Variants in RPS6KA5 observed in about 807,000 individuals in gnomAD.
RPS6KA5 encodes the protein ribosomal protein S6 kinase alpha-5.
A neutral mutation model predicts 85.5 loss-of-function variants in RPS6KA5; 27 were observed. The ratio of observed to expected loss-of-function variants is 0.32; its 90% CI spans 0.23 to 0.44. RPS6KA5 has a LOEUF of 0.44. Ranked by LOEUF, RPS6KA5 falls within the 20% of genes least tolerant of loss-of-function variation. The pLI is 1.00. For missense variants in RPS6KA5, 811 were observed against 980.9 expected, an observed-to-expected ratio of 0.83 and a Z score of 2.31; for synonymous variants, 334 against 348.2, an observed-to-expected ratio of 0.96 and a Z score of 0.46.
At chr14:90,944,593 T>TA (rs1373008798) in intron 4 of RPS6KA5, among the ~76,000 whole-genome samples, 5 of 151,930 alleles carry the variant, frequency 3.3e-5, no homozygotes, top group Non-Finnish European at 5.9e-5. Context: ...CCGACTCTAC[T>TA]AAAAATACAA....
chr14:90,883,050 G>A (rs1270856561), intron 14 of RPS6KA5, among the ~76,000 whole-genome samples: 2 of 151,980 alleles, frequency 1.3e-5, no homozygotes, highest in Non-Finnish European at 2.9e-5. Flanking sequence ...AGCCCACCTC[G>A]GCCTCCCAAA....
intron 3 of RPS6KA5, 54 bp from the exon 4 acceptor site, chr14:90,947,604 AG>A: frequency 9.5e-7 from 1 of 1,056,734 alleles, no homozygotes; most frequent in Non-Finnish European, 1.5e-6. Flanking sequence ...AATGAAAAGC[AG>A]TGTTTCCTTT....
intron 3 of RPS6KA5, among the ~76,000 whole-genome samples, chr14:90,967,809 C>A (rs1681478851): frequency 6.6e-6 from 1 of 152,178 alleles, no homozygotes; most frequent in African/African-American, 2.4e-5. Flanking sequence ...AGAAATCACA[C>A]AAATAATGTG....
chr14:90,908,608 G>A (rs915839626), intron 7 of RPS6KA5, among the ~76,000 whole-genome samples: 1 of 152,206 alleles, frequency 6.6e-6, no homozygotes, highest in Non-Finnish European at 1.5e-5. Context: ...GTGACAGGAA[G>A]AGAACCAGAC....
At chr14:91,044,373 GAA>G (rs1749323984) in intron 1 of RPS6KA5, among the ~76,000 whole-genome samples, 1 of 13,272 alleles carries the variant, frequency 7.5e-5, no homozygotes, top group African/African-American at 2.5e-4. Context: ...GAGAAAGAAA[GAA>G]GGAAAGAAAG....
chr14:90,917,987 G>C (rs2036210982), intron 7 of RPS6KA5, among the ~76,000 whole-genome samples: 1 of 152,116 alleles, frequency 6.6e-6, no homozygotes, highest in African/African-American at 2.4e-5. Context: ...AATGAAAGTT[G>C]TCATTAACAT....
Position 90,873,772 on chromosome 14 carries a change from T to C in RPS6KA5, c.2020A>G (p.Lys674Glu), listed in dbSNP as rs745406792. The change falls in exon 16 of 17, where the codon AAA becomes GAA. Residue 674 changes from lysine to glutamate, a missense_variant. Around this residue, in one of 3 missense-constraint regions of RPS6KA5, gnomAD observed 650 missense variants for 793.4 expected, o/e 0.82. Coordinates refer to ENST00000614987, the MANE Select transcript of RPS6KA5 (RefSeq NM_004755.4). ...IQGLLTVDPN[K>E]RLKMSGLRYN... ...CTCAAGCCAGACATTTTAAGCCTTT[T>C]GTTTGGATCTACTGTGAGAAGTCCT... 1 of 1,614,082 alleles carries C rather than the reference T, an allele frequency of 6.2e-7. No homozygotes were observed. Among genetic ancestry groups the C allele is most frequent in the Admixed American group, 1.7e-5 (1 of 60,018 alleles).
At chr14:90,894,125 C>A in intron 13 of RPS6KA5, 2 of 1,040,238 alleles carry the variant, frequency 1.9e-6, no homozygotes, top group Non-Finnish European at 2.3e-6. Context: ...ATTTCCATTG[C>A]TATTTTTAGT....
chr14:91,044,048 G>A (rs937289218), intron 1 of RPS6KA5, among the ~76,000 whole-genome samples: 2 of 152,010 alleles, frequency 1.3e-5, no homozygotes, highest in African/African-American at 4.8e-5. Context: ...CCAATATGGT[G>A]AAACCCTATC....
chr14:90,902,765 A>G, intron 9 of RPS6KA5, 43 bp downstream of exon 9: 1 of 1,539,592 alleles, frequency 6.5e-7, no homozygotes. Flanking sequence ...TTTCTTTCAA[A>G]GGACATATGG....
chr14:90,969,043 C>T (rs944718457), intron 3 of RPS6KA5, among the ~76,000 whole-genome samples: 1 of 151,946 alleles, frequency 6.6e-6, no homozygotes, highest in East Asian at 1.9e-4. Context: ...TTCTTGGATT[C>T]AGAATAGCAA....
chr14:90,943,253 G>C, intron 4 of RPS6KA5, 68 bp from the exon 5 acceptor site: 1 of 840,216 alleles, frequency 1.2e-6, no homozygotes, highest in South Asian at 1.7e-5. Context: ...AGTCTTTCTC[G>C]TCTACCTTTA....
chr14:90,974,037 C>CAAAAAAAAAAAAAAAAA (rs56212923), intron 3 of RPS6KA5, among the ~76,000 whole-genome samples: 3 of 61,458 alleles, frequency 4.9e-5, no homozygotes, highest in African/African-American at 1.8e-4. Flanking sequence ...GACTCCATCT[C>CAAAAAAAAAAAAAAAAA]AAAAAAAAAA....
chr14:90,881,935 C>G (rs1003091575), intron 14 of RPS6KA5, among the ~76,000 whole-genome samples: 3 of 152,110 alleles, frequency 2.0e-5, no homozygotes, highest in Admixed American at 6.5e-5. Flanking sequence ...ATCCATTATG[C>G]CAATCTTTGA....
At chr14:90,890,406 A>G (rs111709077) in intron 14 of RPS6KA5, 81 bp downstream of exon 14, 10 of 1,241,514 alleles carry the variant, frequency 8.1e-6, no homozygotes, top group Non-Finnish European at 1.1e-5. Context: ...CATGAATGTA[A>G]GGAAACAGTG....
chr14:90,949,137 C>T (rs1274778218), intron 3 of RPS6KA5, among the ~76,000 whole-genome samples: 4 of 152,180 alleles, frequency 2.6e-5, no homozygotes. Flanking sequence ...AGGATTCCTG[C>T]AAACTAATAA....
chr14:90,991,849 G>A (rs1329916414), intron 2 of RPS6KA5, among the ~76,000 whole-genome samples: 2 of 152,054 alleles, frequency 1.3e-5, no homozygotes, highest in Non-Finnish European at 2.9e-5. Context: ...TAGTTCAAGA[G>A]AAGCAAGTCA....
At chr14:90,884,867 T>C (rs2034085196) in intron 14 of RPS6KA5, among the ~76,000 whole-genome samples, 1 of 152,212 alleles carries the variant, frequency 6.6e-6, no homozygotes, top group Non-Finnish European at 1.5e-5. Context: ...TTGGTCTGCA[T>C]ATGTTCAGTA....
chr14:90,887,336 A>G (rs995140022), intron 14 of RPS6KA5, among the ~76,000 whole-genome samples: 64 of 151,586 alleles, frequency 4.2e-4, no homozygotes, highest in African/African-American at 1.5e-3. Context: ...ATGAGCCACC[A>G]TGCCCAGCTA....
Sources: gnomAD v4.1 joint callset for allele counts (sites outside exome capture counted in the v4.1 genomes callset) on GRCh38, gnomAD v4.1.1 for gene constraint, gnomAD v4.1.1 regional missense constraint, MANE v1.5 for transcripts, NCBI Gene and HGNC (gene_info 2026-07-23, HGNC 2026-07-21) for gene names.